Variants in GTF3C5 observed in about 807,000 individuals in gnomAD.
GTF3C5 encodes general transcription factor 3C polypeptide 5.
Under a neutral mutation model 61.0 loss-of-function variants are expected in GTF3C5, and 47 were observed. That is an observed-to-expected ratio of 0.77 (90% CI 0.61 to 0.98). The LOEUF is 0.98. GTF3C5 is among the 50% of genes least tolerant of loss of function. The pLI is 0.00. For synonymous variants in GTF3C5, 295 were observed against 275.4 expected (o/e 1.07, Z -0.71); for missense variants, 659 against 703.3 (o/e 0.94, Z 0.71).
intron 2 of GTF3C5, among the ~76,000 whole-genome samples, chr9:133,042,768 A>G (rs532609695): frequency 6.6e-6 from 1 of 152,262 alleles, no homozygotes; most frequent in African/African-American, 2.4e-5. Flanking sequence ...CCTACCAGGA[A>G]CCCCAGTGAG....
At chr9:133,044,227 T>C (rs1430963574) in intron 3 of GTF3C5, 2 of 402,220 alleles carry the variant, frequency 5.0e-6, no homozygotes, top group East Asian at 5.2e-5. Context: ...ATTTAAAAAG[T>C]GTGTGCAGTT....
chr9:133,046,736 G>A (rs1218518543), intron 3 of GTF3C5, among the ~76,000 whole-genome samples: 4 of 152,178 alleles, frequency 2.6e-5, no homozygotes, highest in Non-Finnish European at 2.9e-5. Context: ...CTGGTGGAAG[G>A]CAGTGGGCCG....
At position 133,058,292 on chromosome 9, in the gene GTF3C5, C is replaced by T. The variant is rs770618319; in HGVS notation, c.*312C>T. The T allele has an allele frequency of 9.9e-5, 43 of 435,618 alleles. No individual in the cohort carries two copies. The highest frequency in any genetic ancestry group is 1.3e-4 in the South Asian group (3 of 23,026). 27.0% of individuals were successfully genotyped at this position (435,618 alleles called of 1,614,324 possible). ...CTCTCAGGATGAGACCAGTAAATGC[C>T]GGAGGTGGAGCTGGGCAGCTGTGGA... On this transcript the variant is annotated 3_prime_UTR_variant, in exon 11 of 11. Transcript: ENST00000372097.
Position 133,052,146 on chromosome 9 carries a change from C to T in GTF3C5, c.855C>T (p.Pro285=), listed in dbSNP as rs1417011321. The T allele has an allele frequency of 1.3e-6, 2 of 1,592,204 alleles. No individual in the cohort carries two copies. Among genetic ancestry groups the T allele is most frequent in the Admixed American group, 1.7e-5 (1 of 59,058 alleles). Residue 285 remains proline (P), a synonymous_variant, in exon 5 of 11, where the codon CCC becomes CCT. Transcript: ENST00000372097. ...CAGACAAGCTCAAGGTCTTGCTTCC[C>T]TTCATAGCCTATTACATGGTAAGTG... The part of the protein sequence containing the change: ...VHPDKLKVLL[P]FIAYYMITGP...
intron 3 of GTF3C5, 161 bp downstream of exon 3, chr9:133,044,087 G>C: frequency 2.2e-6 from 1 of 446,396 alleles, no homozygotes. Context: ...GGAGGTTGCA[G>C]TGAGCCAAGA....
At chr9:133,045,090 A>G (rs1284657478) in intron 3 of GTF3C5, among the ~76,000 whole-genome samples, 1 of 152,206 alleles carries the variant, frequency 6.6e-6, no homozygotes, top group Non-Finnish European at 1.5e-5. Context: ...AAAGAATAGG[A>G]TTTCCTTTAT....
chr9:133,054,052 C>CT (rs1829843556), intron 6 of GTF3C5, 110 bp downstream of exon 6: 1 of 780,694 alleles, frequency 1.3e-6, no homozygotes, highest in Non-Finnish European at 2.1e-6. Context: ...ATAAAAAAAC[C>CT]TTTTGCCCCC....
chr9:133,042,063 C>G, intron 1 of GTF3C5, 24 bp from the exon 2 acceptor site: 2 of 1,566,760 alleles, frequency 1.3e-6, no homozygotes, highest in Non-Finnish European at 8.8e-7. Context: ...TTGCTTCACT[C>G]TGTCTCCTTT....
Position 133,056,751 on chromosome 9 carries a change from T to C in GTF3C5, c.1251-15T>C. On this transcript the variant is annotated splice_polypyrimidine_tract_variant and intron_variant, in intron 9 of 10. Coordinates refer to ENST00000372097, the MANE Select transcript of GTF3C5 (RefSeq NM_012087.4). ...GCCCTGGGACTTTATGTCCCAACCC[T>C]CTCCCCACCCCCAGGTTGCAGAAGA... The C allele has an allele frequency of 1.3e-6, 2 of 1,583,882 alleles. No homozygotes were observed. Among genetic ancestry groups the C allele is most frequent in the South Asian group, 1.2e-5 (1 of 86,778 alleles).
At position 133,043,899 on chromosome 9, in the gene GTF3C5, ACTT is replaced by A. The variant is rs1850118046; in HGVS notation, c.548_550del (p.Phe183del). 6 of 1,613,632 alleles carry A rather than the reference ACTT, an allele frequency of 3.7e-6. No individual in the cohort carries two copies. The highest frequency in any genetic ancestry group is 1.7e-5 in the Admixed American group (1 of 60,000). ...TCCCGGCTGGACGCCCCGGTGGACT[ACTT>A]CTACCGACCAGAGACCCAGCACCGG... On this transcript the variant is annotated inframe_deletion, in exon 3 of 11. Transcript: ENST00000372097.
chr9:133,037,407 C>T (rs977203982), intron 1 of GTF3C5, among the ~76,000 whole-genome samples: 1 of 152,092 alleles, frequency 6.6e-6, no homozygotes, highest in African/African-American at 2.4e-5. Flanking sequence ...TCAAGGAGCC[C>T]GTCCCTAATG....
In GTF3C5 at chr9:133,052,104, C is replaced by T; in HGVS notation, c.813C>T (p.Ala271=). Residue 271 remains alanine (A), a synonymous_variant, in exon 5 of 11, where the codon GCC becomes GCT. Transcript: ENST00000372097. ...RPIWSRNAVK[A]NISVHPDKLK... Reference sequence around the variant, plus strand: ...TCTGGTCCCGAAATGCTGTCAAGGCCAACATCAGCGTCCACCCAGACAAGC... The same window carrying T: ...TCTGGTCCCGAAATGCTGTCAAGGCTAACATCAGCGTCCACCCAGACAAGC... 3 of 1,609,836 alleles carry T rather than the reference C, an allele frequency of 1.9e-6. No homozygotes were observed. The highest frequency in any genetic ancestry group is 2.5e-6 in the Non-Finnish European group (3 of 1,177,652).
rs773340595 is a variant in GTF3C5 at position 133,031,020 on chromosome 9, G to A, written c.9G>A (p.Ala3=). 2 of 1,611,956 alleles carry A rather than the reference G, an allele frequency of 1.2e-6. No homozygotes were observed. Among genetic ancestry groups the A allele is most frequent in the Admixed American group, 1.7e-5 (1 of 59,890 alleles). ...CTGCCAGACGCACAGGGATGGCGGC[G>A]GAGGCGGCCGATTTGGGGCTGGGGG... MA[A]EAADLGLGAA... is the part of the protein sequence containing the mutation. Residue 3 remains alanine (A), a synonymous_variant, in exon 1 of 11, where the codon GCG becomes GCA. Coordinates refer to ENST00000372097, the MANE Select transcript of GTF3C5 (RefSeq NM_012087.4).
chr9:133,042,418 A>T, intron 2 of GTF3C5, 112 bp downstream of exon 2: 1 of 751,004 alleles, frequency 1.3e-6, no homozygotes, highest in Non-Finnish European at 2.3e-6. Context: ...GGATATGCCC[A>T]GGGGCTGTGG....
At chr9:133,049,728 T>C (rs2283131) in intron 3 of GTF3C5, among the ~76,000 whole-genome samples, 17,188 of 152,230 alleles carry the variant, frequency 0.11, 2,101 homozygotes, top group African/African-American at 0.31. Context: ...TGTGCCAACA[T>C]ACAGAGGTAG....
intron 3 of GTF3C5, among the ~76,000 whole-genome samples, chr9:133,049,615 G>A (rs1030173209): frequency 6.6e-6 from 1 of 152,114 alleles, no homozygotes; most frequent in East Asian, 1.9e-4. Context: ...GGGCTTGTGG[G>A]GGTTCTTTAC....
At position 133,058,421 on chromosome 9, in the gene GTF3C5, C is replaced by G. The variant is rs1830005205; in HGVS notation, c.*441C>G. 1 of 162,632 alleles carries G rather than the reference C, an allele frequency of 6.1e-6. No homozygotes were observed. Among genetic ancestry groups the G allele is most frequent in the African/African-American group, 2.4e-5 (1 of 41,520 alleles). 10.1% of individuals were successfully genotyped at this position (162,632 alleles called of 1,614,324 possible). A position where few individuals can be genotyped will look rare whatever the true frequency, so the allele number is the denominator to read the frequency against. On this transcript the variant is annotated 3_prime_UTR_variant, in exon 11 of 11. Transcript: ENST00000372097. ...CTCACGTGGCAAGAAGTGCCTTTAG[C>G]TCTGGATCCCAACCGTTTGGCACAG...
chr9:133,032,452 C>T (rs777967301), intron 1 of GTF3C5, among the ~76,000 whole-genome samples: 2 of 152,152 alleles, frequency 1.3e-5, no homozygotes, highest in Non-Finnish European at 2.9e-5. Context: ...GCACAAAGAA[C>T]AAGGAAGTTA....
intron 1 of GTF3C5, among the ~76,000 whole-genome samples, chr9:133,038,654 A>C (rs558859809): frequency 3.3e-5 from 5 of 149,700 alleles, no homozygotes. Flanking sequence ...TTGGGGTTTC[A>C]CCATGTTGGC....
Sources: gnomAD v4.1 joint callset for allele counts (sites outside exome capture counted in the v4.1 genomes callset) on GRCh38, gnomAD v4.1.1 for gene constraint, MANE v1.5 for transcripts, NCBI Gene and HGNC (gene_info 2026-07-23, HGNC 2026-07-21) for gene names.